Variants in NRG2 observed in about 807,000 individuals in gnomAD.
NRG2 encodes neuregulin 2.
NRG2 carries 27 observed loss-of-function variants against 73.9 expected under a neutral mutation model. The observed-to-expected ratio is 0.37, with a 90% CI of 0.27 to 0.50. NRG2 has a LOEUF of 0.50. NRG2 is among the 20% of genes least tolerant of loss of function. NRG2 has a pLI of 0.96. For missense variants in NRG2, 1,126 were observed against 1,210.1 expected (o/e 0.93, Z 1.03); for synonymous variants, 532 against 541.0 (o/e 0.98, Z 0.23).
chr5:140,005,898 A>G (rs1758861072), intron 1 of NRG2, among the ~76,000 whole-genome samples: 1 of 152,168 alleles, frequency 6.6e-6, no homozygotes. Context: ...AGCTCCTTCT[A>G]GCTAACTCCA....
chr5:140,042,642 C>A lies in NRG2; in HGVS notation c.428G>T (p.Gly143Val), dbSNP rs1370188225. Residue 143 changes from glycine (G) to valine (V), a missense_variant, in exon 1 of 10, where the codon GGC becomes GTC. Around this residue, in one of 3 missense-constraint regions of NRG2, gnomAD observed 539 missense variants for 703.2 expected, o/e 0.77. Transcript: ENST00000361474. The part of the protein sequence containing the change: ...GKVQGLVPAG[G>V]SSSNSTREPP... ...CTCTCGGGTGCTGTTGGAGCTGGAGCCGCCGGCTGGGACCAGCCCCTGTAC... is the reference window on the plus strand; with the variant it reads ...CTCTCGGGTGCTGTTGGAGCTGGAGACGCCGGCTGGGACCAGCCCCTGTAC... 6.2e-7 allele frequency: 1 copy of A among 1,600,734 alleles called. No homozygotes were observed. Among genetic ancestry groups the A allele is most frequent in the East Asian group, 2.3e-5 (1 of 44,150 alleles).
At chr5:140,028,624 G>A (rs1231482369) in intron 1 of NRG2, among the ~76,000 whole-genome samples, 2 of 152,212 alleles carry the variant, frequency 1.3e-5, no homozygotes, top group East Asian at 3.8e-4. Context: ...ACATTGGCCA[G>A]GGGGCCAGGG....
chr5:139,905,637 G>T (rs1419074834), intron 1 of NRG2, among the ~76,000 whole-genome samples: 1 of 151,864 alleles, frequency 6.6e-6, no homozygotes, highest in Non-Finnish European at 1.5e-5. Context: ...CCCCGCAAAG[G>T]GCTGATCTTG....
chr5:139,852,725 C>T lies in NRG2; in HGVS notation c.1417-166G>A, dbSNP rs551408106. Among the ~76,000 whole-genome samples the T allele has an allele frequency of 5.8e-4, 89 of 152,314 alleles. No homozygotes were observed. Among genetic ancestry groups the T allele is most frequent in the African/African-American group, 2.1e-3 (86 of 41,566 alleles). On this transcript the variant is annotated intron_variant, in intron 7 of 9. Transcript: ENST00000361474. The surrounding 1 kb of genome is among the most constrained non-coding windows in gnomAD (Gnocchi z 4.4). The stretch of plus-strand genomic sequence containing the variant: ...AGCGATGGCTCCAGCAAATCAACCC[C>T]CACCCCTTCCTCATGGAAGTGAGCA...
chr5:139,938,055 G>A (rs986954652), intron 1 of NRG2, among the ~76,000 whole-genome samples: 80 of 152,318 alleles, frequency 5.3e-4, no homozygotes, highest in African/African-American at 1.9e-3. Context: ...CTCCAGGCTA[G>A]AGGACAGAGT....
chr5:139,897,187 CT>C (rs1186875268), intron 1 of NRG2, among the ~76,000 whole-genome samples: 1 of 152,254 alleles, frequency 6.6e-6, no homozygotes, highest in Non-Finnish European at 1.5e-5. Context: ...ACGGATGCCA[CT>C]GTGCATTCTG....
chr5:139,897,456 C>T (rs1035573795), intron 1 of NRG2, among the ~76,000 whole-genome samples: 2 of 152,154 alleles, frequency 1.3e-5, no homozygotes, highest in African/African-American at 4.8e-5. Context: ...CAGTCTCTGC[C>T]TCACAGACTT....
chr5:140,015,155 A>AT (rs34659603), intron 1 of NRG2, among the ~76,000 whole-genome samples: 2 of 150,676 alleles, frequency 1.3e-5, no homozygotes, highest in Admixed American at 6.6e-5. Flanking sequence ...ACCTCCCTCC[A>AT]TTTTTTTTTC....
At chr5:139,867,107 A>T (rs1441784233) in intron 4 of NRG2, among the ~76,000 whole-genome samples, 1 of 152,224 alleles carries the variant, frequency 6.6e-6, no homozygotes, top group Non-Finnish European at 1.5e-5. Flanking sequence ...TTAGCATTGC[A>T]GTATATAGCA....
chr5:139,924,604 G>A lies in NRG2; in HGVS notation c.701-37093C>T, dbSNP rs115391287. 3.2e-3 allele frequency among the ~76,000 whole-genome samples: 492 copies of A among 152,154 alleles called. 3 individuals carry two copies. The highest frequency in any genetic ancestry group is 0.021 in the Middle Eastern group (6 of 292). The stretch of plus-strand genomic sequence containing the variant: ...GGCATTCATTTCATCCTTAATATCC[G>A]GAGATTTCATTAATATAAACCCTCT... On this transcript the variant is annotated intron_variant, in intron 1 of 9. Coordinates refer to ENST00000361474, the MANE Select transcript of NRG2 (RefSeq NM_004883.3).
chr5:139,966,360 C>T (rs372335860), intron 1 of NRG2, among the ~76,000 whole-genome samples: 1 of 152,168 alleles, frequency 6.6e-6, no homozygotes, highest in South Asian at 2.1e-4. Flanking sequence ...CTCCACGAAA[C>T]AAATAAACAA....
chr5:139,883,753 A>G (rs1248066534), intron 2 of NRG2, among the ~76,000 whole-genome samples: 1 of 152,204 alleles, frequency 6.6e-6, no homozygotes, highest in Non-Finnish European at 1.5e-5. Flanking sequence ...GCAGGGAGTC[A>G]GAAGTTCTCT....
intron 1 of NRG2, among the ~76,000 whole-genome samples, chr5:140,037,128 G>A (rs1374008784): frequency 6.6e-6 from 1 of 152,202 alleles, no homozygotes; most frequent in Non-Finnish European, 1.5e-5. Context: ...ATTGACAACT[G>A]CGGTCTCTGT....
intron 1 of NRG2, among the ~76,000 whole-genome samples, chr5:139,916,415 A>T (rs988520923): frequency 9.2e-5 from 14 of 152,240 alleles, no homozygotes; most frequent in Non-Finnish European, 2.1e-4. Flanking sequence ...TTCACATGCC[A>T]TGCAAATGAC....
chr5:140,001,599 T>A (rs1758483321), intron 1 of NRG2, among the ~76,000 whole-genome samples: 1 of 151,984 alleles, frequency 6.6e-6, no homozygotes, highest in Admixed American at 6.6e-5. Flanking sequence ...TGGTGGCTCA[T>A]GTGTGTAATC....
chr5:139,905,681 G>T (rs1580705861), intron 1 of NRG2, among the ~76,000 whole-genome samples: 1 of 148,986 alleles, frequency 6.7e-6, no homozygotes, highest in South Asian at 2.1e-4. Flanking sequence ...GGCCAGCTCT[G>T]GTGGGGGGGG....
chr5:139,860,401 T>C (rs1762081154), intron 5 of NRG2, among the ~76,000 whole-genome samples: 1 of 151,440 alleles, frequency 6.6e-6, no homozygotes, highest in South Asian at 2.1e-4. Flanking sequence ...AGTGCAGGCA[T>C]GAGGTCCCCA....
At chr5:139,983,842 C>T (rs1010637263) in intron 1 of NRG2, among the ~76,000 whole-genome samples, 31 of 152,124 alleles carry the variant, frequency 2.0e-4, no homozygotes, top group African/African-American at 7.2e-4. Flanking sequence ...GGATACCTTG[C>T]CAAAACTCCC....
intron 3 of NRG2, among the ~76,000 whole-genome samples, chr5:139,876,137 A>C (rs1763163025): frequency 6.6e-6 from 1 of 152,256 alleles, no homozygotes. Context: ...TGAGTGGATA[A>C]ATAAAATGTG....
Sources: gnomAD v4.1 joint callset for allele counts (sites outside exome capture counted in the v4.1 genomes callset) on GRCh38, gnomAD v4.1.1 for gene constraint, gnomAD v4.1.1 regional missense constraint, Gnocchi (gnomAD v3.1) non-coding constraint, MANE v1.5 for transcripts, NCBI Gene and HGNC (gene_info 2026-07-23, HGNC 2026-07-21) for gene names.